Variants in KIAA0513 observed in about 807,000 individuals in gnomAD.
KIAA0513 encodes the protein uncharacterized protein KIAA0513.
A neutral mutation model predicts 56.5 loss-of-function variants in KIAA0513; 39 were observed. That is an observed-to-expected ratio of 0.69 (90% CI 0.53 to 0.90). KIAA0513 has a LOEUF of 0.90. KIAA0513 is among the 40% of genes least tolerant of loss of function. The probability of loss-of-function intolerance (pLI) is 0.00; values close to 1 mark genes in which losing one functional copy is unlikely to be tolerated. For synonymous variants in KIAA0513, 268 were observed against 215.6 expected, an observed-to-expected ratio of 1.24 and a Z score of -2.13; for missense variants, 591 against 535.2, an observed-to-expected ratio of 1.10 and a Z score of -1.03.
chr16:85,088,285 A>G lies in KIAA0513; in HGVS notation c.1196A>G (p.Lys399Arg), dbSNP rs1482975893. 3 of 1,612,654 alleles carry G rather than the reference A, an allele frequency of 1.9e-6. No homozygotes were observed. The highest frequency in any genetic ancestry group is 1.7e-5 in the Admixed American group (1 of 60,030). Residue 399 changes from lysine to arginine, a missense_variant, in exon 13 of 13, where the codon AAG (lysine) becomes AGG (arginine). Lys to Arg is a conservative substitution (Grantham distance 26, BLOSUM62 2). Coordinates refer to ENST00000683363, the MANE Select transcript of KIAA0513 (RefSeq NM_001388359.1). Reference protein sequence around the residue: ...VIGNLDEEQYKLLSDHIEQMA... With the variant: ...VIGNLDEEQYRLLSDHIEQMA... ...TCACTTTCTCTTCCAGAGCAATACA[A>G]GCTGCTTAGTGACCACATTGAGCAA...
intron 12 of KIAA0513, 80 bp from the exon 13 acceptor site, chr16:85,088,196 C>T (rs2073831254): frequency 2.9e-6 from 4 of 1,363,732 alleles, no homozygotes; most frequent in Non-Finnish European, 4.2e-6. Context: ...CGATTCGTCC[C>T]TGTCCGAGTG....
chr16:85,053,666 C>T (rs1197717272), intron 1 of KIAA0513, among the ~76,000 whole-genome samples: 1 of 151,600 alleles, frequency 6.6e-6, no homozygotes, highest in Non-Finnish European at 1.5e-5. Flanking sequence ...TCAGAATCAG[C>T]CCAGGCAATA....
At chr16:85,053,383 T>C (rs1389741288) in intron 1 of KIAA0513, among the ~76,000 whole-genome samples, 1 of 152,204 alleles carries the variant, frequency 6.6e-6, no homozygotes, top group Non-Finnish European at 1.5e-5. Context: ...TGGGTCTCGA[T>C]TGTGTCATTC....
At position 85,067,131 on chromosome 16, in the gene KIAA0513, C is replaced by G; in HGVS notation, c.60C>G (p.Thr20=). ...SLIDFGPEAP[T]SSPLEAPPPV... is the part of the protein sequence containing the mutation. ...TCGACTTTGGGCCTGAGGCACCCAC[C>G]TCTTCTCCCCTGGAGGCACCACCCC... Residue 20 remains threonine (T), a synonymous_variant, in exon 2 of 13, where the codon ACC becomes ACG. Transcript: ENST00000683363. The G allele has an allele frequency of 6.2e-7, 1 of 1,612,938 alleles. No individual in the cohort carries two copies.
chr16:85,076,955 G>A lies in KIAA0513; in HGVS notation c.575-470G>A, dbSNP rs2144063955. Among the ~76,000 whole-genome samples the A allele has an allele frequency of 6.6e-6, 1 of 152,270 alleles. No homozygotes were observed. Among genetic ancestry groups the A allele is most frequent in the East Asian group, 1.9e-4 (1 of 5,164 alleles). On this transcript the variant is annotated intron_variant, in intron 5 of 12. Transcript: ENST00000683363. This position sits in a 1 kb window ranked among gnomAD's most constrained non-coding sequence, Gnocchi z 4.7. ...GCCCGTGGGGGTGCCTCATCCTGTGGGGGTGCCAGGGCCTCATGTCCATCC... is the reference window on the plus strand; with the variant it reads ...GCCCGTGGGGGTGCCTCATCCTGTGAGGGTGCCAGGGCCTCATGTCCATCC...
intron 1 of KIAA0513, among the ~76,000 whole-genome samples, chr16:85,039,926 C>T (rs916968830): frequency 6.6e-6 from 1 of 151,918 alleles, no homozygotes; most frequent in Non-Finnish European, 1.5e-5. Context: ...CCTCCGCCTC[C>T]CAGGTTCAAG....
chr16:85,076,498 C>T lies in KIAA0513; in HGVS notation c.574+584C>T, dbSNP rs752370731. ...CTCCTTGGGCTGCAGCAACAGGACT[C>T]ATTCAGGCCACCATAGGTGGGAGGT... On this transcript the variant is annotated intron_variant, in intron 5 of 12. Transcript: ENST00000683363. This position sits in a 1 kb window ranked among gnomAD's most constrained non-coding sequence, Gnocchi z 4.7. Among the ~76,000 whole-genome samples, 4 of 152,192 alleles carry T rather than the reference C, an allele frequency of 2.6e-5. No homozygotes were observed. The highest frequency in any genetic ancestry group is 4.4e-5 in the Non-Finnish European group (3 of 68,026).
At chr16:85,030,831 A>T (rs1478215567) in intron 1 of KIAA0513, among the ~76,000 whole-genome samples, 1 of 152,028 alleles carries the variant, frequency 6.6e-6, no homozygotes, top group East Asian at 1.9e-4. Context: ...TCTGGGCATC[A>T]TGGGGAGGAG....
At chr16:85,040,516 T>C (rs962799258) in intron 1 of KIAA0513, among the ~76,000 whole-genome samples, 1 of 152,072 alleles carries the variant, frequency 6.6e-6, no homozygotes, top group Non-Finnish European at 1.5e-5. Flanking sequence ...GGTGACAGGA[T>C]GAGAATCTGC....
intron 8 of KIAA0513, chr16:85,079,357 C>T (rs920442626): frequency 1.2e-5 from 3 of 249,568 alleles, no homozygotes; most frequent in Non-Finnish European, 2.4e-5. Flanking sequence ...TCTGTAGCAA[C>T]GTCGTTTATT....
intron 1 of KIAA0513, among the ~76,000 whole-genome samples, chr16:85,042,072 G>T (rs901014896): frequency 1.3e-5 from 2 of 152,142 alleles, no homozygotes; most frequent in African/African-American, 2.4e-5. Flanking sequence ...GAATTAATTA[G>T]TGCACAGCTG....
intron 1 of KIAA0513, among the ~76,000 whole-genome samples, chr16:85,049,426 G>C (rs74033925): frequency 7.2e-5 from 11 of 152,092 alleles, no homozygotes; most frequent in African/African-American, 2.7e-4. Flanking sequence ...TTGGTTCTGC[G>C]TCCCCACCCA....
At chr16:85,071,649 G>C in intron 2 of KIAA0513, 134 bp from the exon 3 acceptor site, 1 of 689,402 alleles carries the variant, frequency 1.5e-6, no homozygotes, top group South Asian at 2.0e-5. Flanking sequence ...GCTGAGATGA[G>C]CTGATGGGAG....
chr16:85,061,848 G>T (rs2073409694), intron 1 of KIAA0513, among the ~76,000 whole-genome samples: 1 of 152,158 alleles, frequency 6.6e-6, no homozygotes, highest in South Asian at 2.1e-4. Flanking sequence ...GCAGCAGGAG[G>T]TTAGGAAACC....
chr16:85,044,801 C>G (rs925794373), intron 1 of KIAA0513, among the ~76,000 whole-genome samples: 8 of 151,964 alleles, frequency 5.3e-5, no homozygotes, highest in African/African-American at 1.7e-4. Context: ...CCACTGTGCC[C>G]AGGCAGTAAT....
intron 8 of KIAA0513, among the ~76,000 whole-genome samples, chr16:85,080,320 T>C (rs561907964): frequency 6.6e-6 from 1 of 152,346 alleles, no homozygotes; most frequent in African/African-American, 2.4e-5. Context: ...TGTTAGACTT[T>C]GCGGGCCAGA....
chr16:85,082,141 G>T (rs572044589), intron 9 of KIAA0513, among the ~76,000 whole-genome samples: 1 of 152,190 alleles, frequency 6.6e-6, no homozygotes, highest in Non-Finnish European at 1.5e-5. Context: ...GCTGCTGTTG[G>T]GGGGAAGACT....
chr16:85,042,556 T>G (rs966312230), intron 1 of KIAA0513, among the ~76,000 whole-genome samples: 4 of 152,214 alleles, frequency 2.6e-5, no homozygotes, highest in Admixed American at 6.5e-5. Context: ...CTTTTAAGCC[T>G]TAAAGTTTCT....
intron 7 of KIAA0513, 113 bp downstream of exon 7, chr16:85,078,568 T>C: frequency 1.0e-6 from 1 of 996,162 alleles, no homozygotes; most frequent in African/African-American, 1.6e-5. Context: ...ATGGGCACCT[T>C]GCCCTGGGTG....
Sources: gnomAD v4.1 joint callset for allele counts (sites outside exome capture counted in the v4.1 genomes callset) on GRCh38, gnomAD v4.1.1 for gene constraint, Gnocchi (gnomAD v3.1) non-coding constraint, MANE v1.5 for transcripts, NCBI Gene and HGNC (gene_info 2026-07-23, HGNC 2026-07-21) for gene names.